CLUH: variants seen among roughly 807,000 people sequenced by gnomAD.
CLUH encodes the protein clustered mitochondria protein homolog.
In CLUH, 77 loss-of-function variants were observed where a neutral mutation model predicts 139.3. The ratio of observed to expected loss-of-function variants is 0.55; its 90% confidence interval spans 0.46 to 0.67. The LOEUF (loss-of-function observed/expected upper bound fraction) is 0.67. Among genes scored for constraint, CLUH ranks in the 30% least tolerant of loss-of-function variants. The pLI is 0.00. For missense variants in CLUH, 1,876 were observed against 1,875.8 expected (o/e 1.00, Z 0.00); for synonymous variants, 999 against 801.6 (o/e 1.25, Z -4.16).
intron 22 of CLUH, 59 bp from the exon 23 acceptor site, chr17:2,692,156 C>T: frequency 6.6e-7 from 1 of 1,516,656 alleles, no homozygotes; most frequent in Non-Finnish European, 8.9e-7. Context: ...GTGTGGGGGC[C>T]TGACTCGGGG....
At chr17:2,708,872 A>C (rs4141171) in intron 1 of CLUH, among the ~76,000 whole-genome samples, 5 of 31,118 alleles carry the variant, frequency 1.6e-4, no homozygotes, top group South Asian at 3.1e-3. Flanking sequence ...GGGGGGGGGG[A>C]GCAGAACTAT....
At position 2,691,761 on chromosome 17, in the gene CLUH, C is replaced by G; in HGVS notation, c.3789G>C (p.Lys1263Asn). The G allele has an allele frequency of 1.9e-6, 3 of 1,596,490 alleles. No homozygotes were observed. The highest frequency in any genetic ancestry group is 2.6e-6 in the Non-Finnish European group (3 of 1,172,096). ...NGSSANIPPL[K>N]FTAPSMASVL... Reference sequence around the variant, plus strand: ...AGGGGCCGCTCCGCCCCGGACTCACCTTGAGGGGCGGGATGTTGGCGCTGG... The same window carrying G: ...AGGGGCCGCTCCGCCCCGGACTCACGTTGAGGGGCGGGATGTTGGCGCTGG... Residue 1263 changes from lysine (K) to asparagine (N), a missense_variant and splice_region_variant, in exon 24 of 26, where the codon AAG (lysine) becomes AAC (asparagine). By Grantham distance (94) the Lys-to-Asn change is moderately conservative. Transcript: ENST00000651024.
chr17:2,702,102 C>T (rs1398789548), intron 3 of CLUH, 45 bp from the exon 4 acceptor site: 2 of 1,596,670 alleles, frequency 1.3e-6, no homozygotes, highest in East Asian at 4.5e-5. Flanking sequence ...GGGCCCTGCA[C>T]CCTGAACAAC....
intron 1 of CLUH, among the ~76,000 whole-genome samples, chr17:2,710,488 G>A (rs2070480518): frequency 6.6e-6 from 1 of 152,210 alleles, no homozygotes; most frequent in Admixed American, 6.5e-5. Context: ...ATGATGAGGC[G>A]TTAAGACCAC....
At chr17:2,700,629 C>A in intron 8 of CLUH, 49 bp downstream of exon 8, 1 of 1,519,842 alleles carries the variant, frequency 6.6e-7, no homozygotes, top group East Asian at 2.3e-5. Flanking sequence ...CAGCCCAGCA[C>A]CCAGGAGGGC....
intron 9 of CLUH, among the ~76,000 whole-genome samples, chr17:2,699,945 C>G (rs114440676): frequency 0.028 from 4,202 of 151,826 alleles, 202 homozygotes; most frequent in African/African-American, 0.097. Context: ...TTTTTTTTTT[C>G]TTAAGCAACT....
chr17:2,708,683 A>C (rs1334227029), intron 1 of CLUH, among the ~76,000 whole-genome samples: 1 of 150,502 alleles, frequency 6.6e-6, no homozygotes, highest in Non-Finnish European at 1.5e-5. Flanking sequence ...AGTCACTCCC[A>C]CTGAGCGCGG....
intron 1 of CLUH, among the ~76,000 whole-genome samples, chr17:2,708,979 AG>A (rs904568754): frequency 2.0e-5 from 3 of 151,546 alleles, no homozygotes; most frequent in East Asian, 1.9e-4. Context: ...GCTTTAGGGG[AG>A]GGGAAAAGGA....
Position 2,704,471 on chromosome 17 carries a change from T to C in CLUH, c.194A>G (p.Asp65Gly). The stretch of plus-strand genomic sequence containing the variant: ...GGTCTCATCTCCCGGGCCGGCCTCG[T>C]CAAGCCCATTTTCCCTGGGTGGCTC... ...AAEPPRENGLDEAGPGDETTG... is the reference protein window; with the variant it reads ...AAEPPRENGLGEAGPGDETTG... Residue 65 changes from aspartate (D) to glycine (G), a missense_variant, in exon 2 of 26, where the codon GAC (aspartate) becomes GGC (glycine). Coordinates refer to ENST00000651024, the MANE Select transcript of CLUH (RefSeq NM_001366661.1). This position sits in a 1 kb window ranked among gnomAD's most constrained non-coding sequence, Gnocchi z 5.7. The C allele has an allele frequency of 6.3e-7, 1 of 1,598,778 alleles. No individual in the cohort carries two copies.
chr17:2,699,414 T>G (rs2070096055), intron 9 of CLUH, among the ~76,000 whole-genome samples: 1 of 152,124 alleles, frequency 6.6e-6, no homozygotes, highest in African/African-American at 2.4e-5. Context: ...AAGCCTCGAC[T>G]TCCCCTGGCT....
At chr17:2,701,865 C>T (rs904261113) in intron 4 of CLUH, 49 bp downstream of exon 4, 28 of 1,608,718 alleles carry the variant, frequency 1.7e-5, no homozygotes, top group African/African-American at 4.0e-5. Context: ...CCCCCACCTC[C>T]GTGCTCCCCG....
chr17:2,692,054 G>T lies in CLUH; in HGVS notation c.3604C>A (p.Arg1202=). 1 of 1,604,012 alleles carries T rather than the reference G, an allele frequency of 6.2e-7. No individual in the cohort carries two copies. Among genetic ancestry groups the T allele is most frequent in the Non-Finnish European group, 8.5e-7 (1 of 1,175,954 alleles). Residue 1202 remains arginine (R), a synonymous_variant, in exon 23 of 26, where the codon CGG becomes AGG. Coordinates refer to ENST00000651024, the MANE Select transcript of CLUH (RefSeq NM_001366661.1). ...ARVYESKAEF[R]SALQHEKEGY... ...TCCTTCTCGTGCTGCAGGGCCGACCGGAACTCAGCTTTGCTCTCGTAGACT... is the reference window on the plus strand; with the variant it reads ...TCCTTCTCGTGCTGCAGGGCCGACCTGAACTCAGCTTTGCTCTCGTAGACT...
In CLUH at chr17:2,696,650, G is replaced by C. The variant is rs2069957918; in HGVS notation, c.2185+69C>G. 11 of 1,574,040 alleles carry C rather than the reference G, an allele frequency of 7.0e-6. No homozygotes were observed. The South Asian group carries it at 1.1e-4, about 16-fold the overall frequency. On this transcript the variant is annotated intron_variant, in intron 11 of 25. Transcript: ENST00000651024. ...CAGAGATGTCTGCCAGCCTCTCCCA[G>C]GTGGGGGTCATAAGCCACCCTGGCA...
chr17:2,710,077 C>T (rs1325260269), intron 1 of CLUH, among the ~76,000 whole-genome samples: 1 of 152,138 alleles, frequency 6.6e-6, no homozygotes, highest in Admixed American at 6.5e-5. Context: ...ACACGCCTGT[C>T]CCAGCTTCCT....
chr17:2,701,221 A>C lies in CLUH; in HGVS notation c.944T>G (p.Phe315Cys), dbSNP rs1318259011. Residue 315 changes from phenylalanine to cysteine, a missense_variant, in exon 7 of 26, where the codon TTC becomes TGC. Physicochemically the swap from Phe to Cys is radical, Grantham distance 205 (BLOSUM62 -2). This residue lies in a region of CLUH where 270 missense variants were observed against 354.7 expected (regional missense o/e 0.76). Coordinates refer to ENST00000651024, the MANE Select transcript of CLUH (RefSeq NM_001366661.1). ...CAGCTCCACTAGGGAATGGCTTAGG[A>C]AGCGGGGGCTGGCGGGCTTGGGGTT... ...HFNPKPASPR[F>C]LSHSLVELLN... 1 of 1,613,832 alleles carries C rather than the reference A, an allele frequency of 6.2e-7. No homozygotes were observed. Among genetic ancestry groups the C allele is most frequent in the South Asian group, 1.1e-5 (1 of 91,066 alleles).
rs1191079222 is a variant in CLUH at position 2,691,854 on chromosome 17, G to A, written c.3696C>T (p.Tyr1232=). The A allele has an allele frequency of 1.9e-6, 3 of 1,550,626 alleles. No homozygotes were observed. Among genetic ancestry groups the A allele is most frequent in the Non-Finnish European group, 2.6e-6 (3 of 1,148,880 alleles). Reference sequence around the variant, plus strand: ...CGGCCTGCTGGGTCAGGCACTTGAGGTACTCGGAGCTTTCCTTGGTCTTCT... The same window carrying A: ...CGGCCTGCTGGGTCAGGCACTTGAGATACTCGGAGCTTTCCTTGGTCTTCT... ...DHEKTKESSE[Y]LKCLTQQAVA... Residue 1232 remains tyrosine (Y), a synonymous_variant, in exon 24 of 26, where the codon TAC becomes TAT. Transcript: ENST00000651024.
Position 2,696,231 on chromosome 17 carries a change from A to C in CLUH, c.2319T>G (p.Asp773Glu). The C allele has an allele frequency of 2.5e-6, 4 of 1,575,594 alleles. No individual in the cohort carries two copies. The highest frequency in any genetic ancestry group is 3.4e-6 in the Non-Finnish European group (4 of 1,161,262). Residue 773 changes from aspartate to glutamate, a missense_variant, in exon 13 of 26, where the codon GAT becomes GAG. Around this residue, in one of 3 missense-constraint regions of CLUH, gnomAD observed 1,454 missense variants for 1,384.4 expected, o/e 1.05. Coordinates refer to ENST00000651024, the MANE Select transcript of CLUH (RefSeq NM_001366661.1). ...GCAGCTGCTTCTGGTCCCGAACTTC[A>C]TCCTGGCAGGACTCAGGGAAACGAA... is the stretch of plus-strand genomic sequence containing the variant. Reference protein sequence around the residue: ...PGVRFPESCQDEVRDQKQLLK... With the variant: ...PGVRFPESCQEEVRDQKQLLK...
chr17:2,710,165 G>A (rs1022916169), intron 1 of CLUH, among the ~76,000 whole-genome samples: 3 of 152,210 alleles, frequency 2.0e-5, no homozygotes, highest in Non-Finnish European at 4.4e-5. Flanking sequence ...CTAAATCGCT[G>A]TGTGACCTTG....
At chr17:2,691,983 C>CA in intron 23 of CLUH, 21 bp downstream of exon 23, 1 of 315,666 alleles carries the variant, frequency 3.2e-6, no homozygotes, top group Non-Finnish European at 3.9e-6. Context: ...CCCCCGCCCC[C>CA]GCCACGCCCC....
Sources: allele counts gnomAD v4.1 joint callset (sites outside exome capture counted in the v4.1 genomes callset), GRCh38; gene constraint gnomAD v4.1.1; regional missense constraint gnomAD v4.1.1; non-coding constraint Gnocchi (gnomAD v3.1); transcripts MANE v1.5; gene names NCBI Gene and HGNC (gene_info 2026-07-23, HGNC 2026-07-21).